PARD3B: variants seen among roughly 807,000 people sequenced by gnomAD.
PARD3B encodes par-3 family cell polarity regulator beta.
In PARD3B, 103 loss-of-function variants were observed where a neutral mutation model predicts 130.2. The ratio of observed to expected loss-of-function variants is 0.79; its 90% CI spans 0.67 to 0.93. The LOEUF is 0.93. PARD3B is among the 40% of genes least tolerant of loss of function. PARD3B has a pLI of 0.00. For synonymous variants in PARD3B, 583 were observed against 553.2 expected, an observed-to-expected ratio of 1.05 and a Z score of -0.76; for missense variants, 1,609 against 1,499.2, an observed-to-expected ratio of 1.07 and a Z score of -1.21.
At position 205,287,840 on chromosome 2, in the gene PARD3B, A is replaced by G. The variant is rs900684485; in HGVS notation, c.2186-12690A>G. The stretch of plus-strand genomic sequence containing the variant: ...CCCTGACATCTCAGTACAACCCAGC[A>G]AGAATTTCAGTACAAGAAAGACTGA... On this transcript the variant is annotated intron_variant, in intron 16 of 22. Coordinates refer to ENST00000406610, the MANE Select transcript of PARD3B (RefSeq NM_001302769.2). This position sits in a 1 kb window ranked among gnomAD's most constrained non-coding sequence, Gnocchi z 4.8. Among the ~76,000 whole-genome samples, 2 of 152,278 alleles carry G rather than the reference A, an allele frequency of 1.3e-5. No individual in the cohort carries two copies.
chr2:205,608,982 A>G (rs1198687749), intron 22 of PARD3B, among the ~76,000 whole-genome samples: 2 of 152,232 alleles, frequency 1.3e-5, no homozygotes, highest in Non-Finnish European at 2.9e-5. Context: ...TTTGGAAAGA[A>G]CAAGACCCCC....
chr2:205,090,019 A>G (rs1026820011), intron 4 of PARD3B, among the ~76,000 whole-genome samples: 1 of 152,164 alleles, frequency 6.6e-6, no homozygotes, highest in African/African-American at 2.4e-5. Context: ...TATTTTGTAG[A>G]GGTGCATCAA....
At chr2:204,973,573 CAAA>C (rs35677886) in intron 3 of PARD3B, among the ~76,000 whole-genome samples, 1 of 133,066 alleles carries the variant, frequency 7.5e-6, no homozygotes, top group Non-Finnish European at 1.6e-5. Flanking sequence ...GATGGGCAGG[CAAA>C]AAAAAAAAAA....
chr2:204,626,953 G>GTAATCCCCACATGTTGAGGGAGGGACCTC (rs2125134464), intron 1 of PARD3B, among the ~76,000 whole-genome samples: 1 of 152,228 alleles, frequency 6.6e-6, no homozygotes, highest in African/African-American at 2.4e-5. Context: ...GGAGGGACCT[G>GTAATCCCCACATGTTGAGGGAGGGACCTC]TAATCCCCAC....
chr2:205,419,207 T>A (rs1205778777), intron 19 of PARD3B, among the ~76,000 whole-genome samples: 1 of 152,048 alleles, frequency 6.6e-6, no homozygotes, highest in African/African-American at 2.4e-5. Context: ...CCTGTGCTGT[T>A]CTCGTGATAG....
intron 1 of PARD3B, among the ~76,000 whole-genome samples, chr2:204,682,749 C>A (rs531736107): frequency 1.1e-4 from 17 of 152,134 alleles, no homozygotes; most frequent in Non-Finnish European, 4.4e-5. Context: ...TTGCTTGGGC[C>A]CCTCCAAGTT....
At chr2:204,824,042 G>T in intron 2 of PARD3B, among the ~76,000 whole-genome samples, 1 of 152,108 alleles carries the variant, frequency 6.6e-6, no homozygotes, top group African/African-American at 2.4e-5. Flanking sequence ...TGGGAGTTCT[G>T]AAGATAAAGC....
rs145272321 is a variant in PARD3B at position 205,553,452 on chromosome 2, C to T, written c.3260+49C>T. ...TCTCCAGCTCACCTACAAATGAAGT[C>T]TTTAGAGAAGTCTACATGAAATAGA... is the stretch of plus-strand genomic sequence containing the variant. On this transcript the variant is annotated intron_variant, in intron 22 of 22. Transcript: ENST00000406610. 3.3e-5 allele frequency: 52 copies of T among 1,553,530 alleles called. 1 individual carries two copies. The East Asian group carries it at 4.3e-4, about 13-fold the overall frequency.
At position 204,737,256 on chromosome 2, in the gene PARD3B, G is replaced by T. The variant is rs75646358; in HGVS notation, c.222+50974G>T. On this transcript the variant is annotated intron_variant, in intron 2 of 22. Coordinates refer to ENST00000406610, the MANE Select transcript of PARD3B (RefSeq NM_001302769.2). ...TGGGATTACAGGCATGAGCCACTGC[G>T]TCCCACTGACTTTTTAATCGTGGCC... 2.9e-4 allele frequency among the ~76,000 whole-genome samples: 44 copies of T among 152,250 alleles called. No homozygotes were observed. The South Asian group carries it at 8.7e-3, about 30-fold the overall frequency.
intron 3 of PARD3B, among the ~76,000 whole-genome samples, chr2:205,004,438 T>G (rs528532523): frequency 6.6e-6 from 1 of 152,356 alleles, no homozygotes; most frequent in South Asian, 2.1e-4. Context: ...TTTTATCATT[T>G]CAATTCAGGC....
rs552407348 is a variant in PARD3B at position 204,876,180 on chromosome 2, G to A, written c.223-88972G>A. On this transcript the variant is annotated intron_variant, in intron 2 of 22. Coordinates refer to ENST00000406610, the MANE Select transcript of PARD3B (RefSeq NM_001302769.2). The stretch of plus-strand genomic sequence containing the variant: ...GAAACGGAAGTAAAAAGGACATACT[G>A]TATTCAGTACTCACATTGAAAACAT... Among the ~76,000 whole-genome samples the A allele has an allele frequency of 3.3e-4, 50 of 152,240 alleles. 1 individual carries two copies. The South Asian group carries it at 0.01, about 32-fold the overall frequency.
At chr2:205,552,719 C>T (rs747159819) in intron 21 of PARD3B, among the ~76,000 whole-genome samples, 3 of 152,076 alleles carry the variant, frequency 2.0e-5, no homozygotes, top group Non-Finnish European at 2.9e-5. Context: ...CAGCCAGAAA[C>T]GGTGCTTTTA....
At chr2:204,646,191 T>A (rs1396130811) in intron 1 of PARD3B, among the ~76,000 whole-genome samples, 3 of 152,116 alleles carry the variant, frequency 2.0e-5, no homozygotes, top group African/African-American at 7.2e-5. Flanking sequence ...TATTACCACT[T>A]CCCTGGTGAA....
At chr2:204,566,333 T>G (rs181224018) in intron 1 of PARD3B, among the ~76,000 whole-genome samples, 259 of 152,332 alleles carry the variant, frequency 1.7e-3, no homozygotes, top group African/African-American at 6.1e-3. Flanking sequence ...ATTTGAGGAG[T>G]TACTGTGTCA....
intron 2 of PARD3B, among the ~76,000 whole-genome samples, chr2:204,690,048 T>A (rs1163745780): frequency 6.6e-6 from 1 of 152,172 alleles, no homozygotes; most frequent in East Asian, 1.9e-4. Context: ...ATTTAATATA[T>A]TTCAACCCTG....
At chr2:205,457,017 A>C (rs1485144799) in intron 20 of PARD3B, among the ~76,000 whole-genome samples, 2 of 151,696 alleles carry the variant, frequency 1.3e-5, no homozygotes, top group Non-Finnish European at 2.9e-5. Flanking sequence ...TGTGTAAGGA[A>C]AGTATTACCT....
In PARD3B at chr2:205,160,856, A is replaced by C. The variant is rs1314625077; in HGVS notation, c.1620+1949A>C. On this transcript the variant is annotated intron_variant, in intron 11 of 22. Coordinates refer to ENST00000406610, the MANE Select transcript of PARD3B (RefSeq NM_001302769.2). The surrounding 1 kb of genome is among the most constrained non-coding windows in gnomAD (Gnocchi z 4.0). ...GGTCAGATAGCCAGGAATTACTTTA[A>C]GATTTGAATCCAGGCAGTCTGACTC... Among the ~76,000 whole-genome samples, 1 of 152,148 alleles carries C rather than the reference A, an allele frequency of 6.6e-6. No homozygotes were observed. The highest frequency in any genetic ancestry group is 1.5e-5 in the Non-Finnish European group (1 of 68,032).
chr2:205,203,983 G>A (rs1191991060), intron 15 of PARD3B, among the ~76,000 whole-genome samples: 1 of 152,160 alleles, frequency 6.6e-6, no homozygotes, highest in Admixed American at 6.5e-5. Context: ...TGGGATGGCT[G>A]GGTCAAATGG....
chr2:204,803,699 A>C (rs2042659540), intron 2 of PARD3B, among the ~76,000 whole-genome samples: 1 of 152,108 alleles, frequency 6.6e-6, no homozygotes, highest in African/African-American at 2.4e-5. Flanking sequence ...AAATCAAAAA[A>C]CCTACAACAG....
Sources: gnomAD v4.1 joint callset for allele counts (sites outside exome capture counted in the v4.1 genomes callset) on GRCh38, gnomAD v4.1.1 for gene constraint, Gnocchi (gnomAD v3.1) non-coding constraint, MANE v1.5 for transcripts, NCBI Gene and HGNC (gene_info 2026-07-23, HGNC 2026-07-21) for gene names.